The following GLIPR2 variants were observed in gnomAD, a reference collection of about 807,000 sequenced individuals.
GLIPR2 encodes Golgi-associated plant pathogenesis-related protein 1.
In GLIPR2, 21 loss-of-function variants were observed where a neutral mutation model predicts 20.4. The ratio of observed to expected loss-of-function variants is 1.03; its 90% CI spans 0.73 to 1.48. GLIPR2 has a LOEUF of 1.48. Ranked by LOEUF, GLIPR2 falls within the 40% of genes most tolerant of loss-of-function variation. The pLI, the probability that GLIPR2 is intolerant of heterozygous loss-of-function variation, is 0.00. For missense variants in GLIPR2, 205 were observed against 200.1 expected, an observed-to-expected ratio of 1.02 and a Z score of -0.15; for synonymous variants, 91 against 80.5, an observed-to-expected ratio of 1.13 and a Z score of -0.70.
chr9:36,147,829 G>A lies in GLIPR2; in HGVS notation c.57G>A (p.Glu19=). ...FHNEVLKAHN[E]YRQKHGVPPL... ...ATGAGGTCCTGAAGGCCCACAATGAGTACCGGCAGAAGCACGGCGTCCCCC... is the reference window on the plus strand; with the variant it reads ...ATGAGGTCCTGAAGGCCCACAATGAATACCGGCAGAAGCACGGCGTCCCCC... Residue 19 remains glutamate, a synonymous_variant, in exon 2 of 5, where the codon GAG becomes GAA. Transcript: ENST00000377960. The A allele has an allele frequency of 6.2e-7, 1 of 1,601,474 alleles. No homozygotes were observed.
chr9:36,162,778 CGTTTT>C lies in GLIPR2; in HGVS notation c.*257_*261del. On this transcript the variant is annotated 3_prime_UTR_variant, in exon 5 of 5. Transcript: ENST00000377960. ...ATTTGGATTGGGGGGAGGGGGGATC[CGTTTT>C]TTTTTTTTAATTTTTTGTTATTTCT... 1.9e-6 allele frequency: 1 copy of C among 539,002 alleles called. No homozygotes were observed. Among genetic ancestry groups the C allele is most frequent in the South Asian group, 1.8e-5 (1 of 54,086 alleles). 33.4% of individuals were successfully genotyped at this position (539,002 alleles called of 1,614,324 possible). A position where few individuals can be genotyped will look rare whatever the true frequency, so the allele number is the denominator to read the frequency against.
chr9:36,153,922 A>G (rs1392205887), intron 4 of GLIPR2, among the ~76,000 whole-genome samples: 6 of 151,570 alleles, frequency 4.0e-5, no homozygotes, highest in Non-Finnish European at 5.9e-5. Flanking sequence ...AAAAACAAAA[A>G]CAAAATAGGA....
At chr9:36,152,917 G>C (rs1825659243) in intron 4 of GLIPR2, among the ~76,000 whole-genome samples, 1 of 132,696 alleles carries the variant, frequency 7.5e-6, no homozygotes, top group Non-Finnish European at 1.5e-5. Flanking sequence ...GACAGGCCTG[G>C]CCAACATGGT....
chr9:36,143,550 C>T (rs1344111982), intron 1 of GLIPR2, among the ~76,000 whole-genome samples: 1 of 152,226 alleles, frequency 6.6e-6, no homozygotes, highest in African/African-American at 2.4e-5. Flanking sequence ...TGCGGTGTCA[C>T]CTATACGGGC....
At chr9:36,148,261 C>A (rs7027307) in intron 2 of GLIPR2, among the ~76,000 whole-genome samples, 59,352 of 148,654 alleles carry the variant, frequency 0.4, 11,858 homozygotes, top group African/African-American at 0.5. Flanking sequence ...AAAAAAAAAA[C>A]GTTGGGGGGC....
At chr9:36,137,479 C>CAG (rs1824878160) in intron 1 of GLIPR2, among the ~76,000 whole-genome samples, 1 of 152,222 alleles carries the variant, frequency 6.6e-6, no homozygotes, top group Non-Finnish European at 1.5e-5. Context: ...GCACAGGTCC[C>CAG]TTCCCCTAGG....
chr9:36,143,414 A>G (rs1484965008), intron 1 of GLIPR2, among the ~76,000 whole-genome samples: 1 of 152,120 alleles, frequency 6.6e-6, no homozygotes, highest in African/African-American at 2.4e-5. Flanking sequence ...CGTGCCACTC[A>G]GCCTCATGCA....
intron 4 of GLIPR2, among the ~76,000 whole-genome samples, chr9:36,160,364 G>A (rs1347039972): frequency 6.6e-6 from 1 of 152,166 alleles, no homozygotes; most frequent in Non-Finnish European, 1.5e-5. Flanking sequence ...GTGGCGGCAT[G>A]TGCCTGTGGT....
At position 36,162,417 on chromosome 9, in the gene GLIPR2, G is replaced by C; in HGVS notation, c.360G>C (p.Ala120=). 1 of 1,614,132 alleles carries C rather than the reference G, an allele frequency of 6.2e-7. No individual in the cohort carries two copies. Among genetic ancestry groups the C allele is most frequent in the East Asian group, 2.2e-5 (1 of 44,884 alleles). Residue 120 remains alanine, a synonymous_variant, in exon 5 of 5, where the codon GCG becomes GCC. Coordinates refer to ENST00000377960, the MANE Select transcript of GLIPR2 (RefSeq NM_022343.4). ...KNTKKMGVGK[A]SASDGSSFVV... ...CCAAGAAGATGGGCGTGGGGAAGGC[G>C]TCCGCAAGTGACGGGTCCTCCTTTG...
At chr9:36,150,613 G>T (rs941076704) in intron 3 of GLIPR2, among the ~76,000 whole-genome samples, 2 of 152,198 alleles carry the variant, frequency 1.3e-5, no homozygotes, top group Non-Finnish European at 1.5e-5. Context: ...TATGGGTTGT[G>T]GGGGATAGGT....
chr9:36,151,496 A>G (rs995674046), intron 4 of GLIPR2, among the ~76,000 whole-genome samples: 1 of 151,670 alleles, frequency 6.6e-6, no homozygotes, highest in African/African-American at 2.4e-5. Flanking sequence ...CCCTTTCTGC[A>G]CTAGTTTGCA....
intron 4 of GLIPR2, among the ~76,000 whole-genome samples, chr9:36,156,381 TG>T (rs1825829383): frequency 3.7e-5 from 3 of 80,704 alleles, no homozygotes; most frequent in African/African-American, 1.1e-4. Context: ...AGTGAAGCCA[TG>T]TCTAAAAAAA....
chr9:36,141,132 G>A (rs949675875), intron 1 of GLIPR2, among the ~76,000 whole-genome samples: 3 of 152,302 alleles, frequency 2.0e-5, no homozygotes, highest in Non-Finnish European at 2.9e-5. Flanking sequence ...AGAACAGTTC[G>A]AAAGCATTTA....
chr9:36,162,116 A>G (rs954383329), intron 4 of GLIPR2: 2 of 742,486 alleles, frequency 2.7e-6, no homozygotes, highest in South Asian at 1.9e-5. Context: ...TGGAGGTTGC[A>G]GTGAGCCAAG....
At chr9:36,151,616 G>A (rs1277870107) in intron 4 of GLIPR2, among the ~76,000 whole-genome samples, 1 of 152,178 alleles carries the variant, frequency 6.6e-6, no homozygotes, top group Non-Finnish European at 1.5e-5. Flanking sequence ...AGAGGGAGAA[G>A]GTGGCTTCTA....
intron 3 of GLIPR2, 97 bp from the exon 4 acceptor site, chr9:36,150,775 C>T: frequency 1.2e-6 from 1 of 817,616 alleles, no homozygotes; most frequent in Non-Finnish European, 2.0e-6. Flanking sequence ...TGTCTAATTG[C>T]CGCATTGGTG....
At chr9:36,148,013 C>A in intron 2 of GLIPR2, 119 bp downstream of exon 2, 1 of 714,712 alleles carries the variant, frequency 1.4e-6, no homozygotes, top group South Asian at 1.4e-5. Flanking sequence ...TTTCAGAGGC[C>A]AAGGCGGGCG....
chr9:36,142,301 T>A (rs900850877), intron 1 of GLIPR2, among the ~76,000 whole-genome samples: 1 of 152,100 alleles, frequency 6.6e-6, no homozygotes, highest in African/African-American at 2.4e-5. Flanking sequence ...ATCATTCCCT[T>A]TGTCGCCTGT....
intron 1 of GLIPR2, among the ~76,000 whole-genome samples, chr9:36,138,079 G>A (rs1824908561): frequency 1.3e-5 from 2 of 152,244 alleles, no homozygotes; most frequent in Admixed American, 1.3e-4. Context: ...ATAATGGGTT[G>A]CCATTTAGTT....
Sources: gnomAD v4.1 joint callset for allele counts (sites outside exome capture counted in the v4.1 genomes callset) on GRCh38, gnomAD v4.1.1 for gene constraint, MANE v1.5 for transcripts, NCBI Gene and HGNC (gene_info 2026-07-23, HGNC 2026-07-21) for gene names.